B3GALNT2: variants seen among roughly 807,000 people sequenced by gnomAD.
The protein encoded by B3GALNT2 is beta-1,3-N-acetylgalactosaminyltransferase 2.
B3GALNT2 carries 53 observed loss-of-function variants against 61.1 expected under a neutral mutation model. The observed-to-expected ratio is 0.87, with a 90% CI of 0.70 to 1.09. B3GALNT2 has a LOEUF of 1.09. B3GALNT2 is among the 50% of genes least tolerant of loss of function. The pLI is 0.00. For synonymous variants in B3GALNT2, 223 were observed against 237.4 expected (o/e 0.94, Z 0.56); for missense variants, 544 against 623.0 (o/e 0.87, Z 1.35).
At chr1:235,477,641 G>T in intron 5 of B3GALNT2, among the ~76,000 whole-genome samples, 1 of 151,972 alleles carries the variant, frequency 6.6e-6, no homozygotes, top group Non-Finnish European at 1.5e-5. Context: ...GGTGTCCTGT[G>T]GCTGCAGGAT....
intron 7 of B3GALNT2, chr1:235,465,398 G>C: frequency 2.2e-6 from 1 of 461,110 alleles, no homozygotes; most frequent in Non-Finnish European, 3.7e-6. Context: ...GGGGGTGGGG[G>C]GTTGGGGAGG....
rs986453979 is a variant in B3GALNT2, at chr1:235,504,223, C to T, written c.30G>A (p.Pro10=). 115 of 1,474,614 alleles carry T rather than the reference C, an allele frequency of 7.8e-5. 1 individual carries two copies. Among genetic ancestry groups the T allele is most frequent in the Admixed American group, 1.2e-4 (5 of 42,826 alleles). 91.3% of individuals were successfully genotyped at this position (1,474,614 alleles called of 1,614,324 possible). ...GGTGCAGCGCGGCCCCGAGCACACA[C>T]GGGCACAGCAGCACCAGCCAGTTTC... MRNWLVLLC[P]CVLGAALHLW... Residue 10 remains proline, a synonymous_variant, in exon 1 of 12, where the codon CCG becomes CCA. Coordinates refer to ENST00000366600, the MANE Select transcript of B3GALNT2 (RefSeq NM_152490.5).
chr1:235,504,303 G>T lies in B3GALNT2; in HGVS notation c.-51C>A. On this transcript the variant is annotated 5_prime_UTR_variant, in exon 1 of 12. Transcript: ENST00000366600. Reference sequence around the variant, plus strand: ...TCTCCCGCGTCCCGGCGGAGAGGGAGGGGACCTGCAAGTGCGGAGACTGAG... The same window carrying T: ...TCTCCCGCGTCCCGGCGGAGAGGGATGGGACCTGCAAGTGCGGAGACTGAG... 6.8e-7 allele frequency: 1 copy of T among 1,470,836 alleles called. No homozygotes were observed. The highest frequency in any genetic ancestry group is 1.3e-5 in the South Asian group (1 of 78,890). The allele number at this position is 1,470,836 out of a possible 1,614,324, so 91.1% of individuals were successfully genotyped here. A position where few individuals can be genotyped will look rare whatever the true frequency, so the allele number is the denominator to read the frequency against.
At position 235,504,443 on chromosome 1, in the gene B3GALNT2, G is replaced by T; in HGVS notation, c.-191C>A. 1 of 549,328 alleles carries T rather than the reference G, an allele frequency of 1.8e-6. No individual in the cohort carries two copies. The allele number at this position is 549,328 out of a possible 1,614,324, so 34.0% of individuals were successfully genotyped here. ...CCTCCGGTCCCTCAGACCGCGGGTG[G>T]CCGCGGCTTAGCCGGCCGAAGCCCC... On this transcript the variant is annotated 5_prime_UTR_variant, in exon 1 of 12. Transcript: ENST00000366600.
At chr1:235,488,257 G>T (rs540980615) in intron 3 of B3GALNT2, among the ~76,000 whole-genome samples, 1 of 152,116 alleles carries the variant, frequency 6.6e-6, no homozygotes, top group South Asian at 2.1e-4. Context: ...TCAAAATTTG[G>T]TAATTCAGGA....
intron 6 of B3GALNT2, among the ~76,000 whole-genome samples, chr1:235,468,331 G>GT (rs1311479649): frequency 3.4e-5 from 5 of 148,860 alleles, no homozygotes; most frequent in Non-Finnish European, 7.4e-5. Context: ...TTTTGTTTTT[G>GT]TTTTTTTAGG....
the B3GALNT2 span, among the ~76,000 whole-genome samples, chr1:235,440,422 C>T: frequency 3.3e-5 from 5 of 151,750 alleles, no homozygotes; most frequent in African/African-American, 4.8e-5. Context: ...GATGGTGTTT[C>T]GCTCTTGTTG....
chr1:235,483,598 C>A (rs772619368), intron 4 of B3GALNT2, among the ~76,000 whole-genome samples: 10 of 152,146 alleles, frequency 6.6e-5, no homozygotes, highest in Non-Finnish European at 1.2e-4. Context: ...ATGGCAAAAT[C>A]CCATCTTTAC....
At chr1:235,455,449 C>T (rs183264605) in intron 9 of B3GALNT2, 110 bp downstream of exon 9, 18 of 1,210,292 alleles carry the variant, frequency 1.5e-5, no homozygotes, top group South Asian at 6.1e-5. Flanking sequence ...GAGTCTAGTA[C>T]GAAATTGTAT....
At position 235,453,089 on chromosome 1, in the gene B3GALNT2, C is replaced by T. The variant is rs1479230229; in HGVS notation, c.1368+1G>A. On this transcript the variant is annotated splice_donor_variant, in intron 11 of 11. Transcript: ENST00000366600. LOFTEE classifies it high-confidence loss of function. ...CCCTGAGGCCATCCCCAAAGACTTA[C>T]CTGGTATCTTTTAGGTCCTATGGCA... The T allele has an allele frequency of 1.9e-6, 3 of 1,609,300 alleles. No individual in the cohort carries two copies. The highest frequency in any genetic ancestry group is 1.7e-5 in the Admixed American group (1 of 59,996).
At chr1:235,484,987 G>A (rs1412695826) in intron 3 of B3GALNT2, among the ~76,000 whole-genome samples, 1 of 152,098 alleles carries the variant, frequency 6.6e-6, no homozygotes, top group African/African-American at 2.4e-5. Flanking sequence ...CAATTATTAC[G>A]GTATAAATAA....
chr1:235,458,827 T>TAAA (rs1683287733), intron 7 of B3GALNT2, 41 bp from the exon 8 acceptor site: 1 of 1,507,098 alleles, frequency 6.6e-7, no homozygotes, highest in South Asian at 1.3e-5. Context: ...AATGCTGTTG[T>TAAA]AAAGTTACCA....
chr1:235,444,868 T>G (rs1682139371), downstream of B3GALNT2, among the ~76,000 whole-genome samples: 1 of 152,252 alleles, frequency 6.6e-6, no homozygotes, highest in South Asian at 2.1e-4. Context: ...TTTTCAGTCT[T>G]TCTCTGGAAG....
At chr1:235,460,999 CT>C (rs1457140660) in intron 7 of B3GALNT2, among the ~76,000 whole-genome samples, 1 of 151,844 alleles carries the variant, frequency 6.6e-6, no homozygotes, top group African/African-American at 2.4e-5. Flanking sequence ...CCAGATCCTA[CT>C]GATTTAAGGC....
rs1245718388 is a variant in B3GALNT2, at chr1:235,458,057, G to A, written c.1025+546C>T. Among the ~76,000 whole-genome samples the A allele has an allele frequency of 2.0e-5, 3 of 151,822 alleles. No homozygotes were observed. The East Asian group carries it at 5.8e-4, about 29-fold the overall frequency. ...TGAGTGGCTGGCATTATAGGCGCTC[G>A]CCACCACACTTGGCTAATTTTTGTA... On this transcript the variant is annotated intron_variant, in intron 8 of 11. Coordinates refer to ENST00000366600, the MANE Select transcript of B3GALNT2 (RefSeq NM_152490.5).
intron 10 of B3GALNT2, among the ~76,000 whole-genome samples, 200 bp downstream of exon 10, chr1:235,453,956 G>T (rs1683047996): frequency 6.6e-6 from 1 of 151,920 alleles, no homozygotes; most frequent in African/African-American, 2.4e-5. Flanking sequence ...GATGAAACTT[G>T]GTGTGATGAG....
intron 1 of B3GALNT2, among the ~76,000 whole-genome samples, chr1:235,495,614 G>A (rs1042603328): frequency 6.6e-6 from 1 of 152,080 alleles, no homozygotes; most frequent in African/African-American, 2.4e-5. Context: ...CTAATGGGCA[G>A]GGTTACATTT....
At position 235,502,192 on chromosome 1, in the gene B3GALNT2, T is replaced by C. The variant is rs554495107; in HGVS notation, c.112+1949A>G. On this transcript the variant is annotated intron_variant, in intron 1 of 11. Transcript: ENST00000366600. ...TATGCCCGGCTAATTTTTGTATTTT[T>C]AGTAGAGACGGGGTTTCGCCATGTT... Among the ~76,000 whole-genome samples the C allele has an allele frequency of 5.3e-3, 813 of 152,346 alleles. 5 individuals carry two copies. Among genetic ancestry groups the C allele is most frequent in the Non-Finnish European group, 7.1e-3 (485 of 68,038 alleles).
At chr1:235,469,899 G>T (rs528225344) in intron 6 of B3GALNT2, among the ~76,000 whole-genome samples, 98 of 150,488 alleles carry the variant, frequency 6.5e-4, no homozygotes, top group South Asian at 1.3e-3. Context: ...AGTTTTTTTT[G>T]TTTGTTTGTT....
Sources: gnomAD v4.1 joint callset for allele counts (sites outside exome capture counted in the v4.1 genomes callset) on GRCh38, gnomAD v4.1.1 for gene constraint, MANE v1.5 for transcripts, NCBI Gene and HGNC (gene_info 2026-07-23, HGNC 2026-07-21) for gene names.